Variants in CREB1 observed in about 807,000 individuals in gnomAD.
CREB1 encodes the protein cAMP responsive element binding protein 1.
A neutral mutation model predicts 42.0 loss-of-function variants in CREB1; 2 were observed. The observed-to-expected ratio is 0.05, with a 90% confidence interval of 0.02 to 0.15. The LOEUF (loss-of-function observed/expected upper bound fraction) is 0.15. Ranked by LOEUF, CREB1 falls within the 10% of genes least tolerant of loss-of-function variation. CREB1 has a pLI of 1.00. For missense variants in CREB1, 199 were observed against 388.9 expected (o/e 0.51, Z 4.11); for synonymous variants, 123 against 139.9 (o/e 0.88, Z 0.85).
chr2:207,538,646 AGT>A (rs1211882944), intron 1 of CREB1, among the ~76,000 whole-genome samples: 1 of 152,232 alleles, frequency 6.6e-6, no homozygotes, highest in Non-Finnish European at 1.5e-5. Flanking sequence ...AAAGAAGAGA[AGT>A]GACATTTGAT....
chr2:207,546,773 T>A lies in CREB1; in HGVS notation c.-8-8855T>A, dbSNP rs964190164. ...ACAAAAACAAATCAAAGCCTGTACA[T>A]AAAGTATGTACTGTTGCCTGCATGC... On this transcript the variant is annotated intron_variant, in intron 1 of 7. Coordinates refer to ENST00000353267, the MANE Select transcript of CREB1 (RefSeq NM_004379.5). 2.6e-5 allele frequency among the ~76,000 whole-genome samples: 4 copies of A among 151,958 alleles called. No homozygotes were observed. In the East Asian group the frequency reaches 7.7e-4, roughly 29 times the overall value.
In CREB1 at chr2:207,577,522, C is replaced by G; in HGVS notation, c.706C>G (p.Gln236Glu). 1 of 1,613,924 alleles carries G rather than the reference C, an allele frequency of 6.2e-7. No homozygotes were observed. Among genetic ancestry groups the G allele is most frequent in the South Asian group, 1.1e-5 (1 of 91,080 alleles). The change falls in exon 7 of 8, where the codon CAA (glutamine) becomes GAA (glutamate). Residue 236 changes from glutamine (Q) to glutamate (E), a missense_variant. Around this residue, in one of 4 missense-constraint regions of CREB1, gnomAD observed 66 missense variants for 88.1 expected, o/e 0.75. Transcript: ENST00000353267. Reference protein sequence around the residue: ...VVVQAASGDVQTYQIRTAPTS... With the variant: ...VVVQAASGDVETYQIRTAPTS... The stretch of plus-strand genomic sequence containing the variant: ...TTTTTCAGCTGCCTCTGGAGACGTA[C>G]AAACATACCAGATTCGCACAGCACC...
chr2:207,603,853 A>T lies in CREB1; in HGVS notation c.*6795A>T, dbSNP rs2087572818. 6.6e-6 allele frequency among the ~76,000 whole-genome samples: 1 copy of T among 152,208 alleles called. No homozygotes were observed. The highest frequency in any genetic ancestry group is 1.5e-5 in the Non-Finnish European group (1 of 68,034). ...TAATCTTTGCTTAAGCTGTAAGAAT[A>T]AAAAAGTTATCTCCTATACTATTAA... is the stretch of plus-strand genomic sequence containing the variant. On this transcript the variant is annotated 3_prime_UTR_variant, in exon 8 of 8. Transcript: ENST00000353267.
chr2:207,571,051 TA>T (rs1391686783), intron 5 of CREB1, among the ~76,000 whole-genome samples: 13 of 131,702 alleles, frequency 9.9e-5, no homozygotes, highest in South Asian at 2.5e-4. Flanking sequence ...CAAAGTGCTT[TA>T]TTCATTCAGT....
At chr2:207,544,356 C>CT (rs954809022) in intron 1 of CREB1, among the ~76,000 whole-genome samples, 6 of 152,140 alleles carry the variant, frequency 3.9e-5, no homozygotes, top group South Asian at 2.1e-4. Flanking sequence ...GCTATTCTTT[C>CT]TTTTTTTCCA....
At chr2:207,586,273 T>C (rs185596121) in intron 7 of CREB1, among the ~76,000 whole-genome samples, 1 of 152,164 alleles carries the variant, frequency 6.6e-6, no homozygotes, top group East Asian at 1.9e-4. Flanking sequence ...GAACACAGAA[T>C]AAATCTACTT....
chr2:207,541,133 T>C (rs963326535), intron 1 of CREB1, among the ~76,000 whole-genome samples: 2 of 151,746 alleles, frequency 1.3e-5, no homozygotes, highest in African/African-American at 2.4e-5. Flanking sequence ...GGCAGGAGAA[T>C]AGCTTGAACC....
chr2:207,577,518 C>A lies in CREB1; in HGVS notation c.702C>A (p.Asp234Glu), dbSNP rs754917809. ...NQVVVQAASG[D>E]VQTYQIRTAP... ...TGTTTTTTTCAGCTGCCTCTGGAGACGTACAAACATACCAGATTCGCACAG... is the reference window on the plus strand; with the variant it reads ...TGTTTTTTTCAGCTGCCTCTGGAGAAGTACAAACATACCAGATTCGCACAG... The change falls in exon 7 of 8, where the codon GAC becomes GAA. Residue 234 changes from aspartate (D) to glutamate (E), a missense_variant. Asp to Glu is a conservative substitution (Grantham distance 45, BLOSUM62 2). Around this residue, in one of 4 missense-constraint regions of CREB1, gnomAD observed 66 missense variants for 88.1 expected, o/e 0.75. Coordinates refer to ENST00000353267, the MANE Select transcript of CREB1 (RefSeq NM_004379.5). The A allele has an allele frequency of 6.2e-7, 1 of 1,613,734 alleles. No individual in the cohort carries two copies. Among genetic ancestry groups the A allele is most frequent in the East Asian group, 2.2e-5 (1 of 44,858 alleles).
intron 7 of CREB1, among the ~76,000 whole-genome samples, chr2:207,593,719 C>A (rs955011102): frequency 9.7e-6 from 1 of 102,658 alleles, no homozygotes; most frequent in Non-Finnish European, 1.9e-5. Context: ...TCCTCACAAA[C>A]TTTTTTTTTT....
chr2:207,571,935 T>G (rs1475276428), intron 5 of CREB1, among the ~76,000 whole-genome samples: 1 of 151,950 alleles, frequency 6.6e-6, no homozygotes, highest in East Asian at 1.9e-4. Context: ...AATTGCTAGT[T>G]TTAAGAGATT....
intron 1 of CREB1, among the ~76,000 whole-genome samples, chr2:207,537,032 A>G (rs1480237391): frequency 7.1e-6 from 1 of 140,412 alleles, no homozygotes; most frequent in Non-Finnish European, 1.5e-5. Context: ...CTGCTAAATG[A>G]TTAAAATGTT....
At chr2:207,546,434 C>T (rs1270525199) in intron 1 of CREB1, among the ~76,000 whole-genome samples, 1 of 152,004 alleles carries the variant, frequency 6.6e-6, no homozygotes, top group African/African-American at 2.4e-5. Flanking sequence ...AAAAAAGAAA[C>T]AACAACAATA....
In CREB1 at chr2:207,530,097, C is replaced by T. The variant is rs1372542588; in HGVS notation, c.-46C>T. The T allele has an allele frequency of 1.3e-5, 2 of 153,054 alleles. No homozygotes were observed. The highest frequency in any genetic ancestry group is 2.9e-5 in the Non-Finnish European group (2 of 68,516). The allele number at this position is 153,054 out of a possible 1,614,324, so 9.5% of individuals were successfully genotyped here. On this transcript the variant is annotated 5_prime_UTR_variant, in exon 1 of 8. Coordinates refer to ENST00000353267, the MANE Select transcript of CREB1 (RefSeq NM_004379.5). ...AATAAAACTCCAGCGAGATCCGGGC[C>T]GTGAACGAAAGCAGTGACGGAGGAG...
intron 1 of CREB1, among the ~76,000 whole-genome samples, chr2:207,541,147 A>G (rs1026998513): frequency 6.6e-6 from 1 of 152,042 alleles, no homozygotes; most frequent in African/African-American, 2.4e-5. Context: ...TTGAACCCAC[A>G]GGTGGAGCAT....
At chr2:207,556,421 G>A (rs184644913) in intron 2 of CREB1, among the ~76,000 whole-genome samples, 1 of 152,200 alleles carries the variant, frequency 6.6e-6, no homozygotes, top group Admixed American at 6.5e-5. Context: ...CTAGGTAATA[G>A]TGTGATACCG....
In CREB1 at chr2:207,597,244, C is replaced by A; in HGVS notation, c.*186C>A. 1.9e-6 allele frequency: 1 copy of A among 539,354 alleles called. No individual in the cohort carries two copies. Among genetic ancestry groups the A allele is most frequent in the Non-Finnish European group, 3.0e-6 (1 of 334,022 alleles). 33.4% of individuals were successfully genotyped at this position (539,354 alleles called of 1,614,324 possible). A position where few individuals can be genotyped will look rare whatever the true frequency, so the allele number is the denominator to read the frequency against. On this transcript the variant is annotated 3_prime_UTR_variant, in exon 8 of 8. Coordinates refer to ENST00000353267, the MANE Select transcript of CREB1 (RefSeq NM_004379.5). Reference sequence around the variant, plus strand: ...TAAACTGTGAATGTTCCAACACCTGCCTCCACTTCTCCCCTCAAGAAATTT... The same window carrying A: ...TAAACTGTGAATGTTCCAACACCTGACTCCACTTCTCCCCTCAAGAAATTT...
intron 2 of CREB1, 63 bp from the exon 3 acceptor site, chr2:207,560,163 T>C (rs2081900570): frequency 1.4e-6 from 2 of 1,402,038 alleles, no homozygotes; most frequent in Non-Finnish European, 9.4e-7. Context: ...TATTTCATAT[T>C]GAACATGAGT....
chr2:207,552,667 G>A lies in CREB1; in HGVS notation c.-8-2961G>A, dbSNP rs951375478. 1.4e-4 allele frequency among the ~76,000 whole-genome samples: 21 copies of A among 149,568 alleles called. 1 individual carries two copies. The highest frequency in any genetic ancestry group is 1.1e-3 in the Admixed American group (16 of 14,940). ...GTCACCCAGGCTGCAGTGCAGTGGC[G>A]CGATCTCGGCTTACTACAACCTCCG... On this transcript the variant is annotated intron_variant, in intron 1 of 7. Transcript: ENST00000353267.
chr2:207,542,417 C>T (rs529924662), intron 1 of CREB1, among the ~76,000 whole-genome samples: 153 of 152,244 alleles, frequency 1.0e-3, no homozygotes, highest in African/African-American at 3.4e-3. Context: ...ATTTCCCTCA[C>T]GACTAATGAT....
Sources: gnomAD v4.1 joint callset for allele counts (sites outside exome capture counted in the v4.1 genomes callset) on GRCh38, gnomAD v4.1.1 for gene constraint, gnomAD v4.1.1 regional missense constraint, MANE v1.5 for transcripts, NCBI Gene and HGNC (gene_info 2026-07-23, HGNC 2026-07-21) for gene names.